The following COMMD10 variants were observed in gnomAD, a reference collection of about 807,000 sequenced individuals.
COMMD10 encodes the protein COMM domain containing 10.
In COMMD10, 33 loss-of-function variants were observed where a neutral mutation model predicts 28.9. The ratio of observed to expected loss-of-function variants is 1.14; its 90% CI spans 0.87 to 1.53. COMMD10 has a LOEUF of 1.53. COMMD10 is among the 40% of genes most tolerant of loss of function. The pLI is 0.00. For synonymous variants in COMMD10, 110 were observed against 81.7 expected (o/e 1.35, Z -1.87); for missense variants, 310 against 233.4 (o/e 1.33, Z -2.14).
At chr5:116,286,060 A>C (rs1390597711) in intron 5 of COMMD10, among the ~76,000 whole-genome samples, 1 of 151,548 alleles carries the variant, frequency 6.6e-6, no homozygotes, top group Non-Finnish European at 1.5e-5. Context: ...ATCTGTTCAT[A>C]TTTTCTATTT....
chr5:116,092,414 A>C (rs1750327567), intron 3 of COMMD10, 131 bp from the exon 4 acceptor site: 1 of 526,524 alleles, frequency 1.9e-6, no homozygotes, highest in Non-Finnish European at 3.1e-6. Context: ...AAATAACCAA[A>C]AATGTTGGTA....
intron 5 of COMMD10, among the ~76,000 whole-genome samples, chr5:116,264,739 C>A (rs1032466039): frequency 6.6e-6 from 1 of 151,728 alleles, no homozygotes; most frequent in Non-Finnish European, 1.5e-5. Context: ...GAGAGATATA[C>A]CATTTCTGTC....
chr5:116,246,201 A>G (rs1344241015), intron 5 of COMMD10, among the ~76,000 whole-genome samples: 1 of 152,036 alleles, frequency 6.6e-6, no homozygotes, highest in African/African-American at 2.4e-5. Flanking sequence ...CAGTCAATCC[A>G]AGAGCCAAAT....
Position 116,222,583 on chromosome 5 carries a change from G to A in COMMD10, c.511-68934G>A, listed in dbSNP as rs546314113. Among the ~76,000 whole-genome samples the A allele has an allele frequency of 3.3e-5, 5 of 152,234 alleles. No homozygotes were observed. In the South Asian group the frequency reaches 1.0e-3, roughly 32 times the overall value. The stretch of plus-strand genomic sequence containing the variant: ...TTAATGTTCTTTTCAGGAACATGAG[G>A]CTGGACAGAAAGATAATCTTACAAG... On this transcript the variant is annotated intron_variant, in intron 5 of 6. Coordinates refer to ENST00000274458, the MANE Select transcript of COMMD10 (RefSeq NM_016144.4).
intron 5 of COMMD10, among the ~76,000 whole-genome samples, chr5:116,283,745 C>T (rs1751139864): frequency 6.6e-6 from 1 of 151,762 alleles, no homozygotes; most frequent in Non-Finnish European, 1.5e-5. Flanking sequence ...TCCATTGATA[C>T]TGCTGTTAAA....
chr5:116,166,735 G>C (rs1753111974), intron 5 of COMMD10, among the ~76,000 whole-genome samples: 1 of 152,170 alleles, frequency 6.6e-6, no homozygotes, highest in Non-Finnish European at 1.5e-5. Context: ...AACTCCAGCA[G>C]ACTTGCAGCA....
At chr5:116,218,059 C>A in intron 5 of COMMD10, 1 of 1,184,572 alleles carries the variant, frequency 8.4e-7, no homozygotes. Context: ...CTTTCTGTGC[C>A]TGATCTGTTT....
At chr5:116,148,423 C>A (rs1007123047) in intron 5 of COMMD10, among the ~76,000 whole-genome samples, 2 of 151,794 alleles carry the variant, frequency 1.3e-5, no homozygotes, top group Non-Finnish European at 2.9e-5. Flanking sequence ...TAAAGAAGTT[C>A]TACCCTATCC....
chr5:116,256,464 G>A (rs1219393009), intron 5 of COMMD10, among the ~76,000 whole-genome samples: 1 of 151,664 alleles, frequency 6.6e-6, no homozygotes, highest in African/African-American at 2.4e-5. Flanking sequence ...CCCTTTGCAT[G>A]TACGTGACAG....
chr5:116,137,365 C>A (rs542986500), intron 5 of COMMD10, among the ~76,000 whole-genome samples: 2 of 151,914 alleles, frequency 1.3e-5, no homozygotes, highest in African/African-American at 4.8e-5. Flanking sequence ...AAAGCTTTTA[C>A]AAAAAGGGAG....
At chr5:116,150,503 T>C (rs1752489371) in intron 5 of COMMD10, among the ~76,000 whole-genome samples, 1 of 150,994 alleles carries the variant, frequency 6.6e-6, no homozygotes, top group Non-Finnish European at 1.5e-5. Context: ...GGAATGTTCT[T>C]CCATTTGTTT....
chr5:116,237,410 G>A (rs1749696194), intron 5 of COMMD10, among the ~76,000 whole-genome samples: 1 of 152,034 alleles, frequency 6.6e-6, no homozygotes, highest in Non-Finnish European at 1.5e-5. Context: ...ATGTAACATT[G>A]CAGTTTTACA....
intron 5 of COMMD10, among the ~76,000 whole-genome samples, chr5:116,232,921 A>T (rs1389363176): frequency 6.6e-6 from 1 of 152,190 alleles, no homozygotes; most frequent in Non-Finnish European, 1.5e-5. Context: ...CACAAATGAC[A>T]TTTAAATCCA....
intron 4 of COMMD10, among the ~76,000 whole-genome samples, chr5:116,112,767 G>A (rs1392775004): frequency 2.6e-5 from 4 of 151,934 alleles, no homozygotes; most frequent in Non-Finnish European, 5.9e-5. Flanking sequence ...TTATGTTTGA[G>A]GTGGTATATG....
intron 5 of COMMD10, among the ~76,000 whole-genome samples, chr5:116,199,166 G>A (rs1031328127): frequency 6.6e-6 from 1 of 152,086 alleles, no homozygotes; most frequent in Admixed American, 6.6e-5. Context: ...TAAGTGTGTA[G>A]TAGTTTCTCA....
intron 5 of COMMD10, among the ~76,000 whole-genome samples, chr5:116,173,955 C>T (rs1409020613): frequency 6.6e-6 from 1 of 151,306 alleles, no homozygotes; most frequent in Non-Finnish European, 1.5e-5. Flanking sequence ...GTGCCATATA[C>T]TTCCAGGTAT....
intron 5 of COMMD10, among the ~76,000 whole-genome samples, chr5:116,224,628 A>C (rs1749345865): frequency 6.6e-6 from 1 of 152,118 alleles, no homozygotes; most frequent in South Asian, 2.1e-4. Context: ...GAACTCATTT[A>C]TTGTGAGGAC....
intron 5 of COMMD10, among the ~76,000 whole-genome samples, chr5:116,180,868 T>C (rs1039885523): frequency 6.6e-6 from 1 of 152,128 alleles, no homozygotes; most frequent in African/African-American, 2.4e-5. Flanking sequence ...AATGCTTATT[T>C]AAAAAGTCTT....
intron 5 of COMMD10, among the ~76,000 whole-genome samples, chr5:116,151,541 T>G (rs548804286): frequency 2.2e-4 from 33 of 152,346 alleles, no homozygotes; most frequent in Non-Finnish European, 4.7e-4. Context: ...CAGAGCCTGT[T>G]ATTGGTCTAT....
Sources: gnomAD v4.1 joint callset for allele counts (sites outside exome capture counted in the v4.1 genomes callset) on GRCh38, gnomAD v4.1.1 for gene constraint, MANE v1.5 for transcripts, NCBI Gene and HGNC (gene_info 2026-07-23, HGNC 2026-07-21) for gene names.